TTC28: variants seen among roughly 807,000 people sequenced by gnomAD.
TTC28 encodes the protein tetratricopeptide repeat domain 28.
TTC28 carries 61 observed loss-of-function variants against 198.0 expected under a neutral mutation model. The observed-to-expected ratio is 0.31, with a 90% CI of 0.25 to 0.38. The LOEUF is 0.38. Ranked by LOEUF, TTC28 falls within the 10% of genes least tolerant of loss-of-function variation. The probability of loss-of-function intolerance (pLI) is 1.00; values close to 1 mark genes in which losing one functional copy is unlikely to be tolerated. For missense variants in TTC28, 2,678 were observed against 3,164.0 expected, an observed-to-expected ratio of 0.85 and a Z score of 3.69; for synonymous variants, 1,171 against 1,297.8, an observed-to-expected ratio of 0.90 and a Z score of 2.10.
chr22:28,642,992 C>T (rs2051394071), intron 1 of TTC28: 1 of 152,148 alleles, frequency 6.6e-6, no homozygotes, highest in African/African-American at 2.4e-5. Flanking sequence ...GACAGGGTCT[C>T]AGCCCAGGCT....
chr22:28,081,196 T>TG (rs1941344877), intron 12 of TTC28, among the ~76,000 whole-genome samples: 1 of 151,756 alleles, frequency 6.6e-6, no homozygotes, highest in Non-Finnish European at 1.5e-5. Flanking sequence ...TACATATATA[T>TG]TTTTTGGAGA....
rs182460977 is a variant in TTC28, at chr22:28,583,054, G to A, written c.381+46498C>T. 5.9e-5 allele frequency among the ~76,000 whole-genome samples: 9 copies of A among 152,096 alleles called. No individual in the cohort carries two copies. The East Asian group carries it at 1.4e-3, about 23-fold the overall frequency. ...GGTGGTTCTTCCATAGTTACATGAC[G>A]ACACAAATGAGAAATGCTGCATTTC... On this transcript the variant is annotated intron_variant, in intron 2 of 22. Coordinates refer to ENST00000397906, the MANE Select transcript of TTC28 (RefSeq NM_001145418.2).
chr22:28,262,892 G>A (rs1260020912), intron 5 of TTC28, among the ~76,000 whole-genome samples: 1 of 152,082 alleles, frequency 6.6e-6, no homozygotes, highest in Non-Finnish European at 1.5e-5. Flanking sequence ...GGTCCAATGT[G>A]GTTGACAGAG....
chr22:28,451,413 T>C (rs2047776112), intron 2 of TTC28, among the ~76,000 whole-genome samples: 2 of 152,174 alleles, frequency 1.3e-5, no homozygotes, highest in Non-Finnish European at 2.9e-5. Flanking sequence ...AATGAAAATG[T>C]CCAGCATTCA....
intron 12 of TTC28, among the ~76,000 whole-genome samples, chr22:28,083,570 A>G (rs1434778524): frequency 6.6e-6 from 1 of 152,254 alleles, no homozygotes; most frequent in Non-Finnish European, 1.5e-5. Flanking sequence ...TCCAGTCTAC[A>G]GCTCCCAGCG....
At chr22:28,534,900 C>T (rs1030444901) in intron 2 of TTC28, among the ~76,000 whole-genome samples, 8 of 141,238 alleles carry the variant, frequency 5.7e-5, no homozygotes, top group South Asian at 2.5e-4. Flanking sequence ...CATCACACAC[C>T]GGGACGTGTT....
chr22:28,532,169 TAGAGAAGAAAAG>T (rs994271955), intron 2 of TTC28, among the ~76,000 whole-genome samples: 2 of 151,416 alleles, frequency 1.3e-5, no homozygotes, highest in African/African-American at 4.9e-5. Flanking sequence ...GCAAGACTAA[TAGAGAAGAAAAG>T]AGAGAAGAAT....
At chr22:28,119,084 A>G (rs1433961357) in intron 6 of TTC28, among the ~76,000 whole-genome samples, 1 of 152,202 alleles carries the variant, frequency 6.6e-6, no homozygotes, top group African/African-American at 2.4e-5. Context: ...TTAATAATCC[A>G]GAATTGCCAG....
intron 5 of TTC28, among the ~76,000 whole-genome samples, chr22:28,275,175 G>T (rs894343226): frequency 1.3e-5 from 2 of 152,082 alleles, no homozygotes; most frequent in Non-Finnish European, 2.9e-5. Context: ...CCGCATTACG[G>T]AAGTTCTATA....
At chr22:28,150,255 T>C (rs1441516837) in intron 6 of TTC28, among the ~76,000 whole-genome samples, 1 of 152,166 alleles carries the variant, frequency 6.6e-6, no homozygotes, top group African/African-American at 2.4e-5. Context: ...CTATGAAACA[T>C]ACTTCTTTTT....
chr22:28,184,899 T>C (rs577156206), intron 5 of TTC28, among the ~76,000 whole-genome samples: 13 of 152,254 alleles, frequency 8.5e-5, no homozygotes, highest in African/African-American at 2.6e-4. Flanking sequence ...AGGCACAGCA[T>C]GAGACAGATG....
At chr22:28,609,113 T>C (rs1165205106) in intron 2 of TTC28, among the ~76,000 whole-genome samples, 1 of 152,142 alleles carries the variant, frequency 6.6e-6, no homozygotes, top group Non-Finnish European at 1.5e-5. Context: ...TAGACGAAGA[T>C]ACTAAATTAG....
In TTC28 at chr22:28,233,965, G is replaced by A. The variant is rs576372977; in HGVS notation, c.933+62233C>T. ...GCTGTCGCCCAGGCTAGAGTGCAGC[G>A]GCACAATCTTGGCTCACTGCAATCT... On this transcript the variant is annotated intron_variant, in intron 5 of 22. Transcript: ENST00000397906. Among the ~76,000 whole-genome samples the A allele has an allele frequency of 9.7e-4, 146 of 150,968 alleles. 1 individual carries two copies. The highest frequency in any genetic ancestry group is 3.2e-3 in the African/African-American group (132 of 41,024).
Position 28,300,877 on chromosome 22 carries a change from G to T in TTC28, c.530-3025C>A, listed in dbSNP as rs533477348. 2.6e-5 allele frequency among the ~76,000 whole-genome samples: 4 copies of T among 152,182 alleles called. No individual in the cohort carries two copies. In the South Asian group the frequency reaches 8.3e-4, roughly 32 times the overall value. On this transcript the variant is annotated intron_variant, in intron 3 of 22. Coordinates refer to ENST00000397906, the MANE Select transcript of TTC28 (RefSeq NM_001145418.2). ...GGAAGGAAGTTGATGTGAAATAATG[G>T]GGAAAACACTGAGCTAAATACATAC...
intron 2 of TTC28, among the ~76,000 whole-genome samples, chr22:28,392,459 T>A (rs1399766797): frequency 3.9e-5 from 6 of 152,202 alleles, no homozygotes; most frequent in Non-Finnish European, 8.8e-5. Flanking sequence ...CGCCTTGCAG[T>A]TTGATCTCAG....
intron 16 of TTC28, among the ~76,000 whole-genome samples, chr22:27,996,700 C>T (rs141568203): frequency 5.1e-4 from 77 of 152,194 alleles, no homozygotes; most frequent in African/African-American, 1.8e-3. Context: ...CCAAGTTCGG[C>T]TGGGAAAGAC....
chr22:28,491,132 T>C (rs1161227996), intron 2 of TTC28, among the ~76,000 whole-genome samples: 1 of 152,188 alleles, frequency 6.6e-6, no homozygotes, highest in Non-Finnish European at 1.5e-5. Context: ...CCCATCTCTT[T>C]CCCTCTCTTC....
chr22:28,669,442 C>T (rs932949650), intron 1 of TTC28, among the ~76,000 whole-genome samples: 1 of 151,140 alleles, frequency 6.6e-6, no homozygotes, highest in African/African-American at 2.4e-5. Context: ...CAGTTAGGGC[C>T]AAAATAAAAG....
intron 5 of TTC28, among the ~76,000 whole-genome samples, chr22:28,163,972 A>C (rs1480066544): frequency 6.6e-6 from 1 of 152,258 alleles, no homozygotes; most frequent in Non-Finnish European, 1.5e-5. Context: ...CAATGGGCTT[A>C]ACAAACGGCA....
Sources: allele counts gnomAD v4.1 joint callset (sites outside exome capture counted in the v4.1 genomes callset), GRCh38; gene constraint gnomAD v4.1.1; transcripts MANE v1.5; gene names NCBI Gene and HGNC (gene_info 2026-07-23, HGNC 2026-07-21).